LMAN2: variants seen among roughly 807,000 people sequenced by gnomAD.
LMAN2 encodes the protein vesicular integral-membrane protein VIP36.
A neutral mutation model predicts 39.3 loss-of-function variants in LMAN2; 22 were observed. That is an observed-to-expected ratio of 0.56 (90% CI 0.40 to 0.80). The LOEUF is 0.80. LMAN2 is among the 30% of genes least tolerant of loss of function. The pLI, the probability that LMAN2 is intolerant of heterozygous loss-of-function variation, is 0.00. For missense variants in LMAN2, 494 were observed against 505.4 expected (o/e 0.98, Z 0.22); for synonymous variants, 207 against 207.8 (o/e 1.00, Z 0.03).
Position 177,332,422 on chromosome 5 carries a change from C to A in LMAN2, c.911-176G>T, listed in dbSNP as rs149926261. On this transcript the variant is annotated intron_variant, in intron 7 of 7. Coordinates refer to ENST00000303127, the MANE Select transcript of LMAN2 (RefSeq NM_006816.3). The surrounding 1 kb of genome is among the most constrained non-coding windows in gnomAD (Gnocchi z 6.3). The stretch of plus-strand genomic sequence containing the variant: ...GTGAAGCCCATCCCAGCCAGCTCTG[C>A]AGTCCCCAGGGCAGGGTGGGGCAGA... 8.7e-4 allele frequency among the ~76,000 whole-genome samples: 132 copies of A among 152,304 alleles called. No individual in the cohort carries two copies. The highest frequency in any genetic ancestry group is 3.1e-3 in the African/African-American group (127 of 41,566).
chr5:177,349,289 T>C (rs1039523849), intron 2 of LMAN2, among the ~76,000 whole-genome samples: 11 of 152,142 alleles, frequency 7.2e-5, no homozygotes, highest in African/African-American at 2.7e-4. Context: ...TTCGCCTGAG[T>C]GCATGCCTCT....
intron 2 of LMAN2, 100 bp downstream of exon 2, chr5:177,351,073 G>A (rs966394278): frequency 1.3e-4 from 125 of 988,974 alleles, no homozygotes; most frequent in Admixed American, 2.9e-4. Flanking sequence ...GCCAGGGACG[G>A]AGGTGCAAAC....
At chr5:177,348,208 AATT>A (rs1420183800) in intron 2 of LMAN2, among the ~76,000 whole-genome samples, 1 of 152,216 alleles carries the variant, frequency 6.6e-6, no homozygotes, top group Non-Finnish European at 1.5e-5. Context: ...GTGTACAGAT[AATT>A]ATAATAATCT....
chr5:177,340,672 A>C (rs530210436), intron 2 of LMAN2, among the ~76,000 whole-genome samples: 1,843 of 152,148 alleles, frequency 0.012, 21 homozygotes, highest in Non-Finnish European at 0.02. Context: ...TGGGAGGCTG[A>C]GGCGGGAGAA....
intron 2 of LMAN2, among the ~76,000 whole-genome samples, chr5:177,338,955 C>T (rs1761514249): frequency 6.6e-6 from 1 of 152,260 alleles, no homozygotes; most frequent in Non-Finnish European, 1.5e-5. Flanking sequence ...TCCTCTCCAT[C>T]CACTGCTCTT....
chr5:177,335,740 C>G (rs999146755), intron 6 of LMAN2, among the ~76,000 whole-genome samples: 1 of 152,194 alleles, frequency 6.6e-6, no homozygotes, highest in Non-Finnish European at 1.5e-5. Context: ...GGGGTCTGAG[C>G]GGACCCAAGC....
chr5:177,332,532 T>G lies in LMAN2; in HGVS notation c.911-286A>C, dbSNP rs113476617. 0.012 allele frequency among the ~76,000 whole-genome samples: 1,831 copies of G among 152,130 alleles called. 48 individuals carry two copies. Among genetic ancestry groups the G allele is most frequent in the African/African-American group, 0.042 (1,746 of 41,496 alleles). ...TGCAGGAAGCCAGTTAAAACCAGACTCCTGGGCTCCTCTGAGTCCAACTCT... is the reference window on the plus strand; with the variant it reads ...TGCAGGAAGCCAGTTAAAACCAGACGCCTGGGCTCCTCTGAGTCCAACTCT... On this transcript the variant is annotated intron_variant, in intron 7 of 7. Coordinates refer to ENST00000303127, the MANE Select transcript of LMAN2 (RefSeq NM_006816.3). This position sits in a 1 kb window ranked among gnomAD's most constrained non-coding sequence, Gnocchi z 6.3.
intron 2 of LMAN2, among the ~76,000 whole-genome samples, chr5:177,349,213 C>T (rs1761685121): frequency 6.6e-6 from 1 of 151,096 alleles, no homozygotes; most frequent in African/African-American, 2.5e-5. Flanking sequence ...ATCTAGACCA[C>T]CCCCCCTGCA....
chr5:177,338,488 C>A lies in LMAN2; in HGVS notation c.433G>T (p.Gly145Trp). The change falls in exon 3 of 8, where the codon GGG (glycine) becomes TGG (tryptophan). Residue 145 changes from glycine to tryptophan, a missense_variant and splice_region_variant. Coordinates refer to ENST00000303127, the MANE Select transcript of LMAN2 (RefSeq NM_006816.3). ...CCCAGCTGAGCGAACACCAGCCCAC[C>A]TGGCACGAGGCGGTCCCGGGTGTAC... is the stretch of plus-strand genomic sequence containing the variant. ...LWYTRDRLVP[G>W]PVFGSKDNFH... 6.2e-7 allele frequency: 1 copy of A among 1,613,704 alleles called. No homozygotes were observed. Among genetic ancestry groups the A allele is most frequent in the South Asian group, 1.1e-5 (1 of 91,086 alleles).
chr5:177,336,399 GCTGAAGGCGATTA>G (rs1258994500), intron 6 of LMAN2, among the ~76,000 whole-genome samples: 2 of 152,202 alleles, frequency 1.3e-5, no homozygotes, highest in Admixed American at 1.3e-4. Flanking sequence ...CCTCACACGG[GCTGAAGGCGATTA>G]CTGAAGGCGA....
rs77837116 is a variant in LMAN2, at chr5:177,343,406, G to C, written c.316-4801C>G. 8.4e-3 allele frequency among the ~76,000 whole-genome samples: 1,275 copies of C among 152,284 alleles called. 15 individuals are homozygous for C. Among genetic ancestry groups the C allele is most frequent in the African/African-American group, 0.029 (1,223 of 41,554 alleles). ...AAAAATAGAATGACCGTATGATCCA[G>C]AGATTCTACTTCCTGGGTATATACC... On this transcript the variant is annotated intron_variant, in intron 2 of 7. Transcript: ENST00000303127.
At chr5:177,347,794 A>T (rs1021285937) in intron 2 of LMAN2, among the ~76,000 whole-genome samples, 2 of 152,150 alleles carry the variant, frequency 1.3e-5, no homozygotes, top group Non-Finnish European at 2.9e-5. Flanking sequence ...CCAAAAGAAG[A>T]TCAAAATATT....
chr5:177,342,505 T>C (rs112630878), intron 2 of LMAN2, among the ~76,000 whole-genome samples: 490 of 151,886 alleles, frequency 3.2e-3, no homozygotes, highest in African/African-American at 0.011. Context: ...GGCAACACGG[T>C]GAAAACCTGT....
chr5:177,344,572 G>A (rs917710275), intron 2 of LMAN2, among the ~76,000 whole-genome samples: 1 of 150,926 alleles, frequency 6.6e-6, no homozygotes, highest in Non-Finnish European at 1.5e-5. Flanking sequence ...GAGCCACCGC[G>A]CCCAGCCTGT....
At chr5:177,351,424 T>A in intron 1 of LMAN2, 28 bp downstream of exon 1, 1 of 1,609,150 alleles carries the variant, frequency 6.2e-7, no homozygotes, top group Non-Finnish European at 8.5e-7. Flanking sequence ...CCCTCACTCT[T>A]CACTCATTCC....
intron 2 of LMAN2, among the ~76,000 whole-genome samples, chr5:177,345,730 G>GGCAT (rs66519844): frequency 0.014 from 1,940 of 143,132 alleles, 43 homozygotes; most frequent in African/African-American, 0.043. Flanking sequence ...CAGCAGCCAT[G>GGCAT]GCATGCATTT....
rs992086319 is a variant in LMAN2 at position 177,332,695 on chromosome 5, AG to A, written c.911-450del. On this transcript the variant is annotated intron_variant, in intron 7 of 7. Coordinates refer to ENST00000303127, the MANE Select transcript of LMAN2 (RefSeq NM_006816.3). This position sits in a 1 kb window ranked among gnomAD's most constrained non-coding sequence, Gnocchi z 6.3. ...TGGATGCTCTCGGCAGCCCCCCAGG[AG>A]GGTCTCCCAGGACCTGAGTCCCACA... Among the ~76,000 whole-genome samples the A allele has an allele frequency of 6.6e-6, 1 of 151,944 alleles. No individual in the cohort carries two copies. The highest frequency in any genetic ancestry group is 2.4e-5 in the African/African-American group (1 of 41,376).
At chr5:177,335,701 C>T (rs773691659) in intron 6 of LMAN2, among the ~76,000 whole-genome samples, 9 of 152,238 alleles carry the variant, frequency 5.9e-5, no homozygotes, top group Non-Finnish European at 1.2e-4. Context: ...GGGTATGTGA[C>T]TGAAAAACCC....
chr5:177,336,519 G>A (rs914739349), intron 6 of LMAN2, among the ~76,000 whole-genome samples: 4 of 152,332 alleles, frequency 2.6e-5, no homozygotes, highest in South Asian at 4.1e-4. Context: ...GCCTGAAGCC[G>A]CCAGGTAGTC....
Sources: allele counts gnomAD v4.1 joint callset (sites outside exome capture counted in the v4.1 genomes callset), GRCh38; gene constraint gnomAD v4.1.1; non-coding constraint Gnocchi (gnomAD v3.1); transcripts MANE v1.5; gene names NCBI Gene and HGNC (gene_info 2026-07-23, HGNC 2026-07-21).